Variants in ZFHX3 observed in about 807,000 individuals in gnomAD.
The protein encoded by ZFHX3 is zinc finger homeobox protein 3.
A neutral mutation model predicts 279.1 loss-of-function variants in ZFHX3; 42 were observed. That is an observed-to-expected ratio of 0.15 (90% CI 0.12 to 0.19). The LOEUF (loss-of-function observed/expected upper bound fraction) is 0.19, where lower values mean the gene tolerates loss of function less well. Ranked by LOEUF, ZFHX3 falls within the 10% of genes least tolerant of loss-of-function variation. The pLI, the probability that ZFHX3 is intolerant of heterozygous loss-of-function variation, is 1.00. For synonymous variants in ZFHX3, 2,293 were observed against 1,957.8 expected (o/e 1.17, Z -4.52); for missense variants, 4,981 against 4,754.0 (o/e 1.05, Z -1.40).
chr16:73,764,769 C>A (rs550164687), intron 1 of ZFHX3, among the ~76,000 whole-genome samples: 1 of 152,296 alleles, frequency 6.6e-6, no homozygotes, highest in African/African-American at 2.4e-5. Context: ...CACGTAGACA[C>A]AAACCAGTGA....
intron 2 of ZFHX3, among the ~76,000 whole-genome samples, chr16:73,603,339 A>G (rs560280103): frequency 4.6e-5 from 7 of 152,136 alleles, no homozygotes; most frequent in Non-Finnish European, 7.3e-5. Context: ...TAAACATGTC[A>G]GTAAAAAATG....
At chr16:72,986,026 T>G (rs1037557641) in intron 1 of ZFHX3, among the ~76,000 whole-genome samples, 2 of 152,044 alleles carry the variant, frequency 1.3e-5, no homozygotes, top group Non-Finnish European at 2.9e-5. Context: ...CATTTCAAGG[T>G]CTTCCATTTT....
chr16:72,960,017 T>C lies in ZFHX3; in HGVS notation c.129A>G (p.Thr43=), dbSNP rs1961496215. ...TGTCCAAGGGCCCGTGGCTCTCGCC[T>C]GTGGACTGCTCCATGCTACTGGGTT... is the stretch of plus-strand genomic sequence containing the variant. ...PDKPSSMEQS[T]GESHGPLDSL... The change falls in exon 2 of 10, where the codon ACA becomes ACG. Residue 43 remains threonine (T), a synonymous_variant. Transcript: ENST00000268489. 1 of 1,614,002 alleles carries C rather than the reference T, an allele frequency of 6.2e-7. No individual in the cohort carries two copies. The highest frequency in any genetic ancestry group is 1.3e-5 in the African/African-American group (1 of 75,044).
intron 2 of ZFHX3, among the ~76,000 whole-genome samples, chr16:73,593,858 CA>C (rs886187305): frequency 1.5e-4 from 23 of 152,198 alleles, no homozygotes; most frequent in African/African-American, 5.5e-4. Context: ...ATTTATTCAA[CA>C]TAAAAACTTT....
At chr16:73,785,257 T>G (rs1450248014) in intron 1 of ZFHX3, among the ~76,000 whole-genome samples, 1 of 152,206 alleles carries the variant, frequency 6.6e-6, no homozygotes. Flanking sequence ...GTACCAACTT[T>G]TTGTTTTTCC....
At chr16:73,721,969 C>G (rs959037228) in intron 1 of ZFHX3, among the ~76,000 whole-genome samples, 2 of 152,172 alleles carry the variant, frequency 1.3e-5, no homozygotes, top group Admixed American at 6.5e-5. Flanking sequence ...TGCTTCAGCT[C>G]GGAAGGTAGA....
At chr16:73,690,754 T>C (rs1327527828) in intron 1 of ZFHX3, among the ~76,000 whole-genome samples, 1 of 152,228 alleles carries the variant, frequency 6.6e-6, no homozygotes, top group Non-Finnish European at 1.5e-5. Flanking sequence ...TAAGCCCTGC[T>C]AAATACTGGA....
intron 3 of ZFHX3, among the ~76,000 whole-genome samples, chr16:73,453,175 T>G (rs114914023): frequency 2.0e-5 from 3 of 152,232 alleles, no homozygotes. Context: ...TGTTGACTGA[T>G]TGAATTACTG....
intron 7 of ZFHX3, among the ~76,000 whole-genome samples, chr16:73,110,947 A>ATGATTTTT: frequency 6.6e-6 from 1 of 151,976 alleles, no homozygotes; most frequent in African/African-American, 2.4e-5. Flanking sequence ...TTATGATTTT[A>ATGATTTTT]TGTTTTTTTT....
intron 2 of ZFHX3, among the ~76,000 whole-genome samples, chr16:73,647,013 C>CAT (rs2052624229): frequency 6.8e-6 from 1 of 146,168 alleles, no homozygotes; most frequent in Non-Finnish European, 1.5e-5. Context: ...TTGTGCCAAC[C>CAT]TTTTTTTTTT....
intron 1 of ZFHX3, among the ~76,000 whole-genome samples, chr16:72,980,607 A>G (rs1962551891): frequency 7.0e-6 from 1 of 143,282 alleles, no homozygotes; most frequent in African/African-American, 2.6e-5. Flanking sequence ...AAAAGTTAAA[A>G]AAAAAAAAAC....
At chr16:73,055,721 CAT>C (rs1328818188) in intron 1 of ZFHX3, among the ~76,000 whole-genome samples, 1,431 of 142,676 alleles carry the variant, frequency 0.01, 18 homozygotes, top group Middle Eastern at 0.03. Flanking sequence ...CACACACACA[CAT>C]ACACACACAC....
chr16:73,661,664 G>A (rs1597053177), intron 2 of ZFHX3, among the ~76,000 whole-genome samples: 1 of 149,100 alleles, frequency 6.7e-6, no homozygotes, highest in African/African-American at 2.5e-5. Flanking sequence ...GAAGGTTGCA[G>A]TGAGTTGAGA....
chr16:73,326,823 G>C (rs907437952), intron 3 of ZFHX3, among the ~76,000 whole-genome samples: 3 of 152,122 alleles, frequency 2.0e-5, no homozygotes, highest in Non-Finnish European at 4.4e-5. Context: ...GCCCCTATTT[G>C]GGTCTCCAGT....
At chr16:73,681,711 G>A (rs192995724) in intron 1 of ZFHX3, among the ~76,000 whole-genome samples, 49 of 152,316 alleles carry the variant, frequency 3.2e-4, no homozygotes, top group African/African-American at 1.0e-3. Context: ...AATATCCTGT[G>A]CTTCCATGTG....
intron 2 of ZFHX3, among the ~76,000 whole-genome samples, chr16:73,583,061 G>A (rs1277274471): frequency 1.3e-5 from 2 of 152,154 alleles, no homozygotes; most frequent in Non-Finnish European, 2.9e-5. Context: ...CAGGGTTGTG[G>A]GAAGTGTCTA....
At chr16:73,141,466 T>C (rs183816053) in intron 6 of ZFHX3, among the ~76,000 whole-genome samples, 1 of 151,934 alleles carries the variant, frequency 6.6e-6, no homozygotes, top group East Asian at 1.9e-4. Context: ...GGCTCGATCA[T>C]AGTTTATTAT....
At chr16:73,270,428 T>C (rs2014108500) in intron 4 of ZFHX3, among the ~76,000 whole-genome samples, 1 of 152,176 alleles carries the variant, frequency 6.6e-6, no homozygotes, top group African/African-American at 2.4e-5. Flanking sequence ...TATTTAACTT[T>C]TCTTCCATGC....
rs574187877 is a variant in ZFHX3, at chr16:73,532,122, A to T, written c.-1546-75864T>A. 8.6e-5 allele frequency among the ~76,000 whole-genome samples: 13 copies of T among 151,838 alleles called. 1 individual carries two copies. Among genetic ancestry groups the T allele is most frequent in the Non-Finnish European group, 1.3e-4 (9 of 67,942 alleles). ...TTAAAAAAAAAAACAAAGACAGAAT[A>T]TTGTTATCTTAGTAGTTGATACGGT... On this transcript the variant is annotated intron_variant, in intron 2 of 17. Coordinates refer to the ZFHX3 transcript ENST00000641206.
Sources: gnomAD v4.1 joint callset for allele counts (sites outside exome capture counted in the v4.1 genomes callset) on GRCh38, gnomAD v4.1.1 for gene constraint, MANE v1.5 for transcripts, NCBI Gene and HGNC (gene_info 2026-07-23, HGNC 2026-07-21) for gene names.